The following MAP2K4 variants were observed in gnomAD, a reference collection of about 807,000 sequenced individuals.
MAP2K4 encodes the protein mitogen-activated protein kinase kinase 4, also known as dual specificity mitogen-activated protein kinase kinase 4.
Under a neutral mutation model 48.5 loss-of-function variants are expected in MAP2K4, and 4 were observed. That is an observed-to-expected ratio of 0.08 (90% CI 0.04 to 0.19). The LOEUF (loss-of-function observed/expected upper bound fraction) is 0.19, where lower values mean the gene tolerates loss of function less well. Ranked by LOEUF, MAP2K4 falls within the 10% of genes least tolerant of loss-of-function variation. MAP2K4 has a pLI of 1.00. For synonymous variants in MAP2K4, 166 were observed against 173.1 expected (o/e 0.96, Z 0.32); for missense variants, 258 against 493.3 (o/e 0.52, Z 4.52).
At chr17:12,117,135 T>G (rs1052670274) in intron 7 of MAP2K4, among the ~76,000 whole-genome samples, 1 of 152,142 alleles carries the variant, frequency 6.6e-6, no homozygotes, top group Non-Finnish European at 1.5e-5. Flanking sequence ...GTTGCAGATA[T>G]CATGCATTTT....
intron 1 of MAP2K4, among the ~76,000 whole-genome samples, chr17:12,041,520 G>A (rs1267091606): frequency 2.0e-5 from 3 of 152,120 alleles, no homozygotes; most frequent in South Asian, 2.1e-4. Flanking sequence ...GCCACATATC[G>A]TTTTCAAAGC....
intron 1 of MAP2K4, among the ~76,000 whole-genome samples, chr17:12,044,965 T>G (rs1456929218): frequency 3.9e-5 from 6 of 152,228 alleles, no homozygotes; most frequent in Non-Finnish European, 8.8e-5. Flanking sequence ...TTCCAAGAAT[T>G]TAAGGAGTTG....
At chr17:12,040,631 T>C (rs985169990) in intron 1 of MAP2K4, among the ~76,000 whole-genome samples, 3 of 152,172 alleles carry the variant, frequency 2.0e-5, no homozygotes, top group Non-Finnish European at 2.9e-5. Flanking sequence ...CTTTTAAAAT[T>C]TGTGTTCAGT....
intron 4 of MAP2K4, among the ~76,000 whole-genome samples, chr17:12,102,324 A>G (rs1971962019): frequency 6.6e-6 from 1 of 152,162 alleles, no homozygotes; most frequent in Admixed American, 6.5e-5. Flanking sequence ...AATTGATCTC[A>G]GATATTAAAC....
chr17:12,029,972 T>C (rs1332269192), intron 1 of MAP2K4, among the ~76,000 whole-genome samples: 1 of 151,904 alleles, frequency 6.6e-6, no homozygotes, highest in Non-Finnish European at 1.5e-5. Context: ...TACTAGTGAA[T>C]ATTATATCAT....
At chr17:12,099,712 A>G (rs1971875528) in intron 4 of MAP2K4, among the ~76,000 whole-genome samples, 1 of 152,198 alleles carries the variant, frequency 6.6e-6, no homozygotes, top group Admixed American at 6.5e-5. Flanking sequence ...TGGAAAAAAG[A>G]GCTTGATAAT....
At chr17:12,110,034 G>A (rs764004700) in intron 5 of MAP2K4, among the ~76,000 whole-genome samples, 5 of 150,602 alleles carry the variant, frequency 3.3e-5, no homozygotes, top group Admixed American at 2.0e-4. Context: ...TGGTGGGAGC[G>A]AGACCCAGTC....
chr17:12,109,368 A>G (rs1464968284), intron 5 of MAP2K4, among the ~76,000 whole-genome samples: 1 of 152,184 alleles, frequency 6.6e-6, no homozygotes, highest in East Asian at 1.9e-4. Context: ...CACACATGTA[A>G]AATACTTTGT....
intron 3 of MAP2K4, among the ~76,000 whole-genome samples, chr17:12,083,732 AAAG>A (rs1357761885): frequency 2.0e-5 from 3 of 152,264 alleles, no homozygotes; most frequent in Admixed American, 6.5e-5. Context: ...TGGTTTCTTC[AAAG>A]AAGAATAGTC....
At chr17:12,074,812 G>A (rs966753734) in intron 2 of MAP2K4, among the ~76,000 whole-genome samples, 4 of 152,216 alleles carry the variant, frequency 2.6e-5, no homozygotes, top group African/African-American at 9.6e-5. Context: ...CTGTATCACA[G>A]TTGGTGAACT....
At position 12,081,591 on chromosome 17, in the gene MAP2K4, G is replaced by A. The variant is rs1971187212; in HGVS notation, c.393+61G>A. 1 of 1,502,418 alleles carries A rather than the reference G, an allele frequency of 6.7e-7. No homozygotes were observed. The highest frequency in any genetic ancestry group is 1.8e-5 in the Admixed American group (1 of 56,484). 93.1% of individuals were successfully genotyped at this position (1,502,418 alleles called of 1,614,324 possible). A position where few individuals can be genotyped will look rare whatever the true frequency, so the allele number is the denominator to read the frequency against. ...CCATTAGGTGAAATTTCATGGTGCA[G>A]TAATACCACTGTTGTTGTGTTCCTA... On this transcript the variant is annotated intron_variant, in intron 3 of 10. Coordinates refer to ENST00000353533, the MANE Select transcript of MAP2K4 (RefSeq NM_003010.4). This position sits in a 1 kb window ranked among gnomAD's most constrained non-coding sequence, Gnocchi z 4.2.
chr17:12,130,957 G>A (rs1555552706), intron 9 of MAP2K4, among the ~76,000 whole-genome samples: 1 of 151,974 alleles, frequency 6.6e-6, no homozygotes. Context: ...TGCATTCTTA[G>A]CAGGGTGATA....
intron 9 of MAP2K4, among the ~76,000 whole-genome samples, chr17:12,139,219 AC>A (rs1377847074): frequency 6.6e-6 from 1 of 152,194 alleles, no homozygotes; most frequent in African/African-American, 2.4e-5. Context: ...AAATGAAAAT[AC>A]TTTTGGCAGC....
At chr17:12,044,824 G>C (rs530953358) in intron 1 of MAP2K4, among the ~76,000 whole-genome samples, 104 of 152,154 alleles carry the variant, frequency 6.8e-4, no homozygotes, top group Admixed American at 5.9e-4. Context: ...CTCCCAGTTG[G>C]GTTTCCCACA....
chr17:12,054,188 A>G (rs1030748320), intron 1 of MAP2K4, among the ~76,000 whole-genome samples: 3 of 152,182 alleles, frequency 2.0e-5, no homozygotes, highest in Admixed American at 1.3e-4. Flanking sequence ...TAGTAAACTG[A>G]TTATTTTGAG....
chr17:12,099,908 G>C (rs1200237106), intron 4 of MAP2K4, among the ~76,000 whole-genome samples: 1 of 152,158 alleles, frequency 6.6e-6, no homozygotes, highest in East Asian at 1.9e-4. Flanking sequence ...AGTGCAGAAA[G>C]CACTGTTCTG....
intron 1 of MAP2K4, among the ~76,000 whole-genome samples, chr17:12,037,079 T>G (rs962861491): frequency 1.3e-5 from 2 of 152,140 alleles, no homozygotes; most frequent in African/African-American, 4.8e-5. Context: ...CAACAGGATA[T>G]TTATTTAGAA....
At chr17:12,074,946 G>T (rs996997745) in intron 2 of MAP2K4, among the ~76,000 whole-genome samples, 1 of 152,000 alleles carries the variant, frequency 6.6e-6, no homozygotes, top group Admixed American at 6.6e-5. Context: ...TATTCTGTCT[G>T]TTTTTTTCAG....
At chr17:12,025,680 C>T (rs1969231420) in intron 1 of MAP2K4, among the ~76,000 whole-genome samples, 1 of 152,112 alleles carries the variant, frequency 6.6e-6, no homozygotes, top group Non-Finnish European at 1.5e-5. Context: ...TTTTATGTAT[C>T]AGTTTAAGTA....
Sources: gnomAD v4.1 joint callset for allele counts (sites outside exome capture counted in the v4.1 genomes callset) on GRCh38, gnomAD v4.1.1 for gene constraint, Gnocchi (gnomAD v3.1) non-coding constraint, MANE v1.5 for transcripts, NCBI Gene and HGNC (gene_info 2026-07-23, HGNC 2026-07-21) for gene names.